Variants in MLEC observed in about 807,000 individuals in gnomAD.
MLEC encodes the protein oligosaccharyltransferase complex subunit (non-catalytic).
In MLEC, 7 loss-of-function variants were observed where a neutral mutation model predicts 28.7. That is an observed-to-expected ratio of 0.24 (90% CI 0.14 to 0.46). The LOEUF (loss-of-function observed/expected upper bound fraction) is 0.46. MLEC is among the 20% of genes least tolerant of loss of function. The pLI is 0.99. For synonymous variants in MLEC, 142 were observed against 164.4 expected, an observed-to-expected ratio of 0.86 and a Z score of 1.04; for missense variants, 237 against 391.1, an observed-to-expected ratio of 0.61 and a Z score of 3.32.
Position 120,694,775 on chromosome 12 carries a change from G to T in MLEC, c.415-49G>T, listed in dbSNP as rs1191562712. 1 of 1,533,768 alleles carries T rather than the reference G, an allele frequency of 6.5e-7. No homozygotes were observed. Among genetic ancestry groups the T allele is most frequent in the Admixed American group, 1.8e-5 (1 of 54,326 alleles). On this transcript the variant is annotated intron_variant, in intron 2 of 4. Transcript: ENST00000228506. The surrounding 1 kb of genome is among the most constrained non-coding windows in gnomAD (Gnocchi z 4.5). ...TGCATGATGTCCAACTGCTTGAAAG[G>T]ATGTAAAGCTGATGGTTTTGACATT...
In MLEC at chr12:120,697,041, T is replaced by C. The variant is rs953506004; in HGVS notation, c.*496T>C. On this transcript the variant is annotated 3_prime_UTR_variant, in exon 5 of 5. Transcript: ENST00000228506. The surrounding 1 kb of genome is among the most constrained non-coding windows in gnomAD (Gnocchi z 4.8). ...GTGTGAAGGGGTAGAATTTGTGCGG[T>C]AAAGACTTAAAAAAAAAAGTAGGGA... 1 of 152,184 alleles carries C rather than the reference T, an allele frequency of 6.6e-6. No individual in the cohort carries two copies. The highest frequency in any genetic ancestry group is 1.5e-5 in the Non-Finnish European group (1 of 68,332). 9.4% of individuals were successfully genotyped at this position (152,184 alleles called of 1,614,324 possible). A position where few individuals can be genotyped will look rare whatever the true frequency, so the allele number is the denominator to read the frequency against.
Position 120,694,954 on chromosome 12 carries a change from G to T in MLEC, c.545G>T (p.Gly182Val). Residue 182 changes from glycine (G) to valine (V), a missense_variant, in exon 3 of 5, where the codon GGG becomes GTG. Physicochemically the swap from Gly to Val is moderately radical, Grantham distance 109. Transcript: ENST00000228506. This position sits in a 1 kb window ranked among gnomAD's most constrained non-coding sequence, Gnocchi z 4.5. ...SIRKGKLSVQGEVSTFTGKLY... is the reference protein window; with the variant it reads ...SIRKGKLSVQVEVSTFTGKLY... The stretch of plus-strand genomic sequence containing the variant: ...AGAAAGGGGAAGCTGAGTGTCCAGG[G>T]GGAGGTGTCCACCTTCACAGGGAAA... 1 of 1,614,184 alleles carries T rather than the reference G, an allele frequency of 6.2e-7. No individual in the cohort carries two copies. Among genetic ancestry groups the T allele is most frequent in the Non-Finnish European group, 8.5e-7 (1 of 1,180,042 alleles).
Position 120,687,787 on chromosome 12 carries a change from C to T in MLEC, c.235+256C>T, listed in dbSNP as rs1881886434. ...TTCTCATCCTGCATTTTCTCAACCC[C>T]TCACTCCCATCCAAGCTGGGAGAGA... On this transcript the variant is annotated intron_variant, in intron 1 of 4. Coordinates refer to ENST00000228506, the MANE Select transcript of MLEC (RefSeq NM_014730.4). The surrounding 1 kb of genome is among the most constrained non-coding windows in gnomAD (Gnocchi z 8.1). Among the ~76,000 whole-genome samples, 1 of 152,186 alleles carries T rather than the reference C, an allele frequency of 6.6e-6. No individual in the cohort carries two copies. Among genetic ancestry groups the T allele is most frequent in the African/African-American group, 2.4e-5 (1 of 41,438 alleles).
In MLEC at chr12:120,694,120, C is replaced by T. The variant is rs779118037; in HGVS notation, c.265C>T (p.Leu89=). 1.4e-5 allele frequency: 23 copies of T among 1,613,992 alleles called. No homozygotes were observed. The East Asian group carries it at 1.6e-4, about 11-fold the overall frequency. ...ASDYGMKLPI[L]RSNPEDQILY... ...AGACTATGGCATGAAACTGCCAATCCTGCGTTCCAACCCTGAGGACCAGAT... is the reference window on the plus strand; with the variant it reads ...AGACTATGGCATGAAACTGCCAATCTTGCGTTCCAACCCTGAGGACCAGAT... Residue 89 remains leucine, a synonymous_variant, in exon 2 of 5, where the codon CTG becomes TTG. Transcript: ENST00000228506. This position sits in a 1 kb window ranked among gnomAD's most constrained non-coding sequence, Gnocchi z 4.5.
Position 120,699,408 on chromosome 12 carries a change from G to C in MLEC, c.*2863G>C, listed in dbSNP as rs1240453478. The C allele has an allele frequency of 6.6e-6, 1 of 152,312 alleles. No individual in the cohort carries two copies. The highest frequency in any genetic ancestry group is 1.5e-5 in the Non-Finnish European group (1 of 68,062). The allele number at this position is 152,312 out of a possible 1,614,324, so 9.4% of individuals were successfully genotyped here. On this transcript the variant is annotated 3_prime_UTR_variant, in exon 5 of 5. Transcript: ENST00000228506. ...GGACAGTCAGGGTGAAACTTCTTTT[G>C]CCAGAAGTGTGGCCTGAGTTGAATT...
At chr12:120,692,506 A>T (rs553089195) in intron 1 of MLEC, among the ~76,000 whole-genome samples, 1 of 152,224 alleles carries the variant, frequency 6.6e-6, no homozygotes, top group Admixed American at 6.5e-5. Context: ...TTGTCTCATC[A>T]GTCCCTCTGA....
chr12:120,691,581 A>G (rs577279759), intron 1 of MLEC, among the ~76,000 whole-genome samples: 22 of 152,304 alleles, frequency 1.4e-4, no homozygotes, highest in East Asian at 3.9e-4. Flanking sequence ...TGTACACTTC[A>G]TTGTATTTTA....
chr12:120,692,764 C>T (rs969562479), intron 1 of MLEC, among the ~76,000 whole-genome samples: 3 of 150,410 alleles, frequency 2.0e-5, no homozygotes, highest in Admixed American at 6.7e-5. Context: ...TAATTTCATG[C>T]GGGAGGAGAG....
intron 4 of MLEC, 72 bp downstream of exon 4, chr12:120,695,224 T>G: frequency 1.3e-6 from 2 of 1,532,780 alleles, no homozygotes; most frequent in Non-Finnish European, 1.8e-6. Flanking sequence ...TGGGAGGTAA[T>G]TGAGCTGATG....
rs1396147009 is a variant in MLEC at position 120,699,303 on chromosome 12, G to A, written c.*2758G>A. On this transcript the variant is annotated 3_prime_UTR_variant, in exon 5 of 5. Transcript: ENST00000228506. ...GGGTGCCAGTGAGGGGTGCGTGGAG[G>A]AGAGGCCTGGGCTCCTCTACTGGAT... 7.6e-6 allele frequency: 1 copy of A among 131,582 alleles called. No homozygotes were observed. The highest frequency in any genetic ancestry group is 1.7e-5 in the Non-Finnish European group (1 of 58,778). 8.2% of individuals were successfully genotyped at this position (131,582 alleles called of 1,614,324 possible). A position where few individuals can be genotyped will look rare whatever the true frequency, so the allele number is the denominator to read the frequency against.
intron 1 of MLEC, among the ~76,000 whole-genome samples, chr12:120,692,239 G>C (rs1232093672): frequency 2.6e-5 from 4 of 152,278 alleles, no homozygotes; most frequent in African/African-American, 9.6e-5. Flanking sequence ...ATCAAATGTA[G>C]TCGATGTTCC....
chr12:120,691,774 GTTCACATGGTTGAGTTTTC>G (rs1231484412), intron 1 of MLEC, among the ~76,000 whole-genome samples: 1 of 152,002 alleles, frequency 6.6e-6, no homozygotes, highest in African/African-American at 2.4e-5. Flanking sequence ...AGTAATTTTT[GTTCACATGGTTGAGTTTTC>G]TTCACTGTGG....
rs763317440 is a variant in MLEC at position 120,698,558 on chromosome 12, A to G, written c.*2013A>G. 14 of 152,292 alleles carry G rather than the reference A, an allele frequency of 9.2e-5. No homozygotes were observed. Among genetic ancestry groups the G allele is most frequent in the Non-Finnish European group, 1.6e-4 (11 of 68,082 alleles). 9.4% of individuals were successfully genotyped at this position (152,292 alleles called of 1,614,324 possible). On this transcript the variant is annotated 3_prime_UTR_variant, in exon 5 of 5. Transcript: ENST00000228506. Reference sequence around the variant, plus strand: ...CATCCTAACTAAACAGGCTTCTGGCAGTAGCTTTGGTTCCTATCCCATCGA... The same window carrying G: ...CATCCTAACTAAACAGGCTTCTGGCGGTAGCTTTGGTTCCTATCCCATCGA...
chr12:120,687,246 GCCGGC>G lies in MLEC; in HGVS notation c.-49_-45del. ...TTTCTGAGTCCGGGGTGGCCTGGCA[GCCGGC>G]CGAGGACGAGGGTCGGCGGGGGCTG... is the stretch of plus-strand genomic sequence containing the variant. On this transcript the variant is annotated 5_prime_UTR_variant, in exon 1 of 5. Coordinates refer to ENST00000228506, the MANE Select transcript of MLEC (RefSeq NM_014730.4). This position sits in a 1 kb window ranked among gnomAD's most constrained non-coding sequence, Gnocchi z 8.1. The G allele has an allele frequency of 7.4e-7, 1 of 1,351,870 alleles. No homozygotes were observed. The highest frequency in any genetic ancestry group is 9.4e-7 in the Non-Finnish European group (1 of 1,058,272). 83.7% of individuals were successfully genotyped at this position (1,351,870 alleles called of 1,614,324 possible).
intron 1 of MLEC, among the ~76,000 whole-genome samples, chr12:120,689,539 C>T (rs1014346143): frequency 2.6e-5 from 4 of 152,142 alleles, no homozygotes; most frequent in African/African-American, 7.2e-5. Context: ...TGCAACATTG[C>T]GCTTACCAGG....
At chr12:120,689,826 A>AT (rs1195165931) in intron 1 of MLEC, among the ~76,000 whole-genome samples, 1 of 152,156 alleles carries the variant, frequency 6.6e-6, no homozygotes, top group Non-Finnish European at 1.5e-5. Context: ...AGAAAAGTTG[A>AT]TTTTATGTTG....
In MLEC at chr12:120,696,602, T is replaced by A. The variant is rs1456383076; in HGVS notation, c.*57T>A. On this transcript the variant is annotated 3_prime_UTR_variant, in exon 5 of 5. Transcript: ENST00000228506. The surrounding 1 kb of genome is among the most constrained non-coding windows in gnomAD (Gnocchi z 5.4). Reference sequence around the variant, plus strand: ...GGTGTGGGAAAGAAACCAGCCATATTGGTTTTGGTTTCTGTATTTTTCACA... The same window carrying A: ...GGTGTGGGAAAGAAACCAGCCATATAGGTTTTGGTTTCTGTATTTTTCACA... The A allele has an allele frequency of 6.3e-7, 1 of 1,581,834 alleles. No homozygotes were observed. The highest frequency in any genetic ancestry group is 8.6e-7 in the Non-Finnish European group (1 of 1,166,126).
At position 120,687,247 on chromosome 12, in the gene MLEC, C is replaced by T. The variant is rs909439827; in HGVS notation, c.-50C>T. The T allele has an allele frequency of 7.4e-7, 1 of 1,351,438 alleles. No individual in the cohort carries two copies. The highest frequency in any genetic ancestry group is 1.9e-5 in the South Asian group (1 of 52,536). The allele number at this position is 1,351,438 out of a possible 1,614,324, so 83.7% of individuals were successfully genotyped here. On this transcript the variant is annotated 5_prime_UTR_variant, in exon 1 of 5. Coordinates refer to ENST00000228506, the MANE Select transcript of MLEC (RefSeq NM_014730.4). The surrounding 1 kb of genome is among the most constrained non-coding windows in gnomAD (Gnocchi z 8.1). ...TTCTGAGTCCGGGGTGGCCTGGCAGCCGGCCGAGGACGAGGGTCGGCGGGG... is the reference window on the plus strand; with the variant it reads ...TTCTGAGTCCGGGGTGGCCTGGCAGTCGGCCGAGGACGAGGGTCGGCGGGG...
rs777972834 is a variant in MLEC, at chr12:120,687,558, G to A, written c.235+27G>A. The A allele has an allele frequency of 2.0e-6, 3 of 1,482,476 alleles. No individual in the cohort carries two copies. In the Middle Eastern group the frequency reaches 6.3e-4, roughly 312 times the overall value. 91.8% of individuals were successfully genotyped at this position (1,482,476 alleles called of 1,614,324 possible). A position where few individuals can be genotyped will look rare whatever the true frequency, so the allele number is the denominator to read the frequency against. On this transcript the variant is annotated intron_variant, in intron 1 of 4. Coordinates refer to ENST00000228506, the MANE Select transcript of MLEC (RefSeq NM_014730.4). This position sits in a 1 kb window ranked among gnomAD's most constrained non-coding sequence, Gnocchi z 8.1. ...TGAGAGTCCCCCTGCCGAGCCGCGG[G>A]ATCCAGGGCCTGCTGTGCTGGGCGC...
Sources: gnomAD v4.1 joint callset for allele counts (sites outside exome capture counted in the v4.1 genomes callset) on GRCh38, gnomAD v4.1.1 for gene constraint, Gnocchi (gnomAD v3.1) non-coding constraint, MANE v1.5 for transcripts, NCBI Gene and HGNC (gene_info 2026-07-23, HGNC 2026-07-21) for gene names.